The following TMEM178B variants were observed in gnomAD, a reference collection of about 807,000 sequenced individuals.
TMEM178B encodes transmembrane protein 178B.
Under a neutral mutation model 31.0 loss-of-function variants are expected in TMEM178B, and 5 were observed. The ratio of observed to expected loss-of-function variants is 0.16; its 90% CI spans 0.08 to 0.34. The LOEUF (loss-of-function observed/expected upper bound fraction) is 0.34, where lower values mean the gene tolerates loss of function less well. Ranked by LOEUF, TMEM178B falls within the 10% of genes least tolerant of loss-of-function variation. The probability of loss-of-function intolerance (pLI) is 1.00; values close to 1 mark genes in which losing one functional copy is unlikely to be tolerated. For synonymous variants in TMEM178B, 164 were observed against 164.0 expected, an observed-to-expected ratio of 1.00 and a Z score of 0.00; for missense variants, 275 against 400.3, an observed-to-expected ratio of 0.69 and a Z score of 2.67.
At chr7:141,495,186 G>A in the TMEM178B span, among the ~76,000 whole-genome samples, 1 of 152,194 alleles carries the variant, frequency 6.6e-6, no homozygotes. Context: ...TGGGGATTAA[G>A]AGACCAGCTA....
chr7:141,362,242 C>T (rs987606538), intron 2 of TMEM178B, among the ~76,000 whole-genome samples: 12 of 152,208 alleles, frequency 7.9e-5, no homozygotes, highest in African/African-American at 2.9e-4. Flanking sequence ...CAGCAGTAGG[C>T]CCTTTACTTT....
At chr7:141,313,920 A>G (rs528250730) in intron 2 of TMEM178B, among the ~76,000 whole-genome samples, 2 of 152,264 alleles carry the variant, frequency 1.3e-5, no homozygotes, top group Admixed American at 1.3e-4. Context: ...AAAATCACTG[A>G]TTGAAATCCA....
At chr7:141,151,661 C>T (rs996040473) in intron 1 of TMEM178B, among the ~76,000 whole-genome samples, 3 of 152,090 alleles carry the variant, frequency 2.0e-5, no homozygotes, top group Admixed American at 6.6e-5. Context: ...AGAATCAGGA[C>T]CTCAGTGGGA....
intron 1 of TMEM178B, among the ~76,000 whole-genome samples, chr7:141,131,254 T>G (rs1056798448): frequency 6.6e-6 from 1 of 152,232 alleles, no homozygotes; most frequent in African/African-American, 2.4e-5. Flanking sequence ...AGAGCAGATC[T>G]CTCAACTCAG....
intron 2 of TMEM178B, among the ~76,000 whole-genome samples, chr7:141,374,116 C>G (rs1205844495): frequency 6.6e-6 from 1 of 152,122 alleles, no homozygotes; most frequent in Non-Finnish European, 1.5e-5. Context: ...CCAAGGTAAG[C>G]GTGTTTCTGA....
intron 1 of TMEM178B, among the ~76,000 whole-genome samples, chr7:141,153,135 A>G (rs1796005141): frequency 1.3e-5 from 2 of 152,338 alleles, no homozygotes; most frequent in Middle Eastern, 3.4e-3. Context: ...CAGATTGTCT[A>G]TAGTTTCTCT....
chr7:141,480,641 T>C (rs1802459968), downstream of TMEM178B, among the ~76,000 whole-genome samples: 2 of 152,156 alleles, frequency 1.3e-5, no homozygotes, highest in African/African-American at 2.4e-5. Context: ...AGGGAAACTG[T>C]TGTTCTTTTT....
intron 2 of TMEM178B, among the ~76,000 whole-genome samples, chr7:141,267,660 G>A (rs796068268): frequency 3.3e-5 from 5 of 152,338 alleles, no homozygotes; most frequent in African/African-American, 1.2e-4. Context: ...GTGTGCTTCA[G>A]GCTTCACCGG....
Position 141,441,414 on chromosome 7 carries a change from AC to A in TMEM178B, c.634+3671del, listed in dbSNP as rs370799796. The stretch of plus-strand genomic sequence containing the variant: ...TAGAGCAGAGCAATCAGCCACTCGA[AC>A]CATAGAGAGTTATCACAAAGTGGGA... On this transcript the variant is annotated intron_variant, in intron 3 of 3. Coordinates refer to ENST00000565468, the MANE Select transcript of TMEM178B (RefSeq NM_001195278.2). 2.0e-3 allele frequency among the ~76,000 whole-genome samples: 311 copies of A among 152,296 alleles called. 3 individuals carry two copies. The highest frequency in any genetic ancestry group is 6.7e-3 in the African/African-American group (279 of 41,552).
rs1042412466 is a variant in TMEM178B at position 141,480,295 on chromosome 7, T to C, written c.*9509T>C. The C allele has an allele frequency of 1.3e-5, 2 of 152,214 alleles. No homozygotes were observed. The highest frequency in any genetic ancestry group is 4.8e-5 in the African/African-American group (2 of 41,464). 9.4% of individuals were successfully genotyped at this position (152,214 alleles called of 1,614,324 possible). A position where few individuals can be genotyped will look rare whatever the true frequency, so the allele number is the denominator to read the frequency against. On this transcript the variant is annotated 3_prime_UTR_variant, in exon 4 of 4. Coordinates refer to ENST00000565468, the MANE Select transcript of TMEM178B (RefSeq NM_001195278.2). ...TCTGGTAATTAATTAAATGACTTGTTCATGGAAAAAATAAATAATCTGTCA... is the reference window on the plus strand; with the variant it reads ...TCTGGTAATTAATTAAATGACTTGTCCATGGAAAAAATAAATAATCTGTCA...
chr7:141,488,871 A>G, the TMEM178B span, among the ~76,000 whole-genome samples: 1 of 152,130 alleles, frequency 6.6e-6, no homozygotes, highest in Non-Finnish European at 1.5e-5. Flanking sequence ...ACTGCAATTT[A>G]AAAAACCAAA....
chr7:141,120,812 G>C (rs1795395724), intron 1 of TMEM178B, among the ~76,000 whole-genome samples: 1 of 151,586 alleles, frequency 6.6e-6, no homozygotes, highest in African/African-American at 2.4e-5. Flanking sequence ...AAATAAAATA[G>C]CTGGATATGG....
At chr7:141,369,824 A>G (rs1800080784) in intron 2 of TMEM178B, among the ~76,000 whole-genome samples, 1 of 152,262 alleles carries the variant, frequency 6.6e-6, no homozygotes, top group African/African-American at 2.4e-5. Flanking sequence ...TAAATAAGCC[A>G]TAAAATGGAA....
chr7:141,442,159 G>A (rs1312295398), intron 3 of TMEM178B, among the ~76,000 whole-genome samples: 3 of 152,236 alleles, frequency 2.0e-5, no homozygotes, highest in African/African-American at 2.4e-5. Context: ...GTACTGCTTC[G>A]TGGATACGGA....
At position 141,214,381 on chromosome 7, in the gene TMEM178B, C is replaced by G. The variant is rs372083478; in HGVS notation, c.496+1677C>G. On this transcript the variant is annotated intron_variant, in intron 2 of 3. Transcript: ENST00000565468. ...CAGTGAATACCGAGGCCACAGAGGG[C>G]TCTTTAGGGAGCTCTAGTTCAGGGG... is the stretch of plus-strand genomic sequence containing the variant. Among the ~76,000 whole-genome samples the G allele has an allele frequency of 5.9e-5, 9 of 152,240 alleles. No homozygotes were observed. The East Asian group carries it at 1.5e-3, about 26-fold the overall frequency.
At chr7:141,104,494 C>A (rs991896914) in intron 1 of TMEM178B, among the ~76,000 whole-genome samples, 2 of 152,246 alleles carry the variant, frequency 1.3e-5, no homozygotes, top group Admixed American at 1.3e-4. Flanking sequence ...CTCCCTCTAT[C>A]TGCTGCTCTG....
At chr7:141,204,994 A>G (rs1021090877) in intron 1 of TMEM178B, among the ~76,000 whole-genome samples, 6 of 151,810 alleles carry the variant, frequency 4.0e-5, no homozygotes, top group African/African-American at 7.3e-5. Context: ...CTAATTTTTA[A>G]AAGTTTTTTT....
chr7:141,087,810 C>A (rs575084423), intron 1 of TMEM178B, among the ~76,000 whole-genome samples: 1 of 152,220 alleles, frequency 6.6e-6, no homozygotes, highest in Admixed American at 6.5e-5. Flanking sequence ...TTCTGCCTTC[C>A]CTATTTATAC....
Position 141,461,442 on chromosome 7 carries a change from G to A in TMEM178B, c.635-9094G>A, listed in dbSNP as rs867692297. ...GTAGAAATTGTGCACCAGTGAAGTT[G>A]TGGGCATAACTTGGTCACATAAGGA... On this transcript the variant is annotated intron_variant, in intron 3 of 3. Coordinates refer to ENST00000565468, the MANE Select transcript of TMEM178B (RefSeq NM_001195278.2). This position sits in a 1 kb window ranked among gnomAD's most constrained non-coding sequence, Gnocchi z 4.0. Among the ~76,000 whole-genome samples the A allele has an allele frequency of 5.3e-5, 8 of 152,340 alleles. 1 individual carries two copies. Among genetic ancestry groups the A allele is most frequent in the Middle Eastern group, 6.8e-3 (2 of 294 alleles).
Sources: allele counts gnomAD v4.1 joint callset (sites outside exome capture counted in the v4.1 genomes callset), GRCh38; gene constraint gnomAD v4.1.1; non-coding constraint Gnocchi (gnomAD v3.1); transcripts MANE v1.5; gene names NCBI Gene and HGNC (gene_info 2026-07-23, HGNC 2026-07-21).